GRID2IP: variants seen among roughly 807,000 people sequenced by gnomAD.
The protein encoded by GRID2IP is delphilin.
In GRID2IP, 78 loss-of-function variants were observed where a neutral mutation model predicts 114.3. The ratio of observed to expected loss-of-function variants is 0.68; its 90% CI spans 0.57 to 0.82. GRID2IP has a LOEUF of 0.82. GRID2IP is among the 40% of genes least tolerant of loss of function. The pLI, the probability that GRID2IP is intolerant of heterozygous loss-of-function variation, is 0.00. For missense variants in GRID2IP, 1,727 were observed against 1,678.5 expected (o/e 1.03, Z -0.51); for synonymous variants, 809 against 724.0 (o/e 1.12, Z -1.89).
chr7:6,516,110 T>TAAAA lies in GRID2IP; in HGVS notation c.1269-1585_1269-1582dup, dbSNP rs1228864854. 1.8e-4 allele frequency among the ~76,000 whole-genome samples: 11 copies of TAAAA among 62,150 alleles called. No individual in the cohort carries two copies. The highest frequency in any genetic ancestry group is 4.6e-4 in the Non-Finnish European group (8 of 17,434). The allele number at this position is 62,150 out of a possible 152,430, so 40.8% of individuals were successfully genotyped here. ...AGACCCCGTCTCAAAATAATAATAATAAAAAATAAATAAATAAATAAATAA... is the reference window on the plus strand; with the variant it reads ...AGACCCCGTCTCAAAATAATAATAATAAAAAAAAAATAAATAAATAAATAAATAA... On this transcript the variant is annotated intron_variant, in intron 7 of 21. Transcript: ENST00000457091. The surrounding 1 kb of genome is among the most constrained non-coding windows in gnomAD (Gnocchi z 4.3).
chr7:6,536,015 C>T lies in GRID2IP; in HGVS notation c.584+3703G>A, dbSNP rs1779717362. On this transcript the variant is annotated intron_variant, in intron 2 of 21. Coordinates refer to ENST00000457091, the MANE Select transcript of GRID2IP (RefSeq NM_001145118.2). The surrounding 1 kb of genome is among the most constrained non-coding windows in gnomAD (Gnocchi z 5.3). Reference sequence around the variant, plus strand: ...TGCTCTGTGCTGAGTTAGCCATCAACTGGCACCCAACCCTGGGAATCACAG... The same window carrying T: ...TGCTCTGTGCTGAGTTAGCCATCAATTGGCACCCAACCCTGGGAATCACAG... 6.6e-6 allele frequency among the ~76,000 whole-genome samples: 1 copy of T among 152,190 alleles called. No individual in the cohort carries two copies. Among genetic ancestry groups the T allele is most frequent in the Non-Finnish European group, 1.5e-5 (1 of 68,020 alleles).
chr7:6,502,043 G>C lies in GRID2IP; in HGVS notation c.3226C>G (p.Pro1076Ala). ...ILAKSLSQHF[P>A]ELLGFAQDLP... ...TCCTGAGCAAAGCCCAGGAGTTCAG[G>C]GAAGTGCTGGCTCAGCGATTTGGCA... Residue 1076 changes from proline to alanine, a missense_variant, in exon 19 of 22, where the codon CCT (proline) becomes GCT (alanine). Coordinates refer to ENST00000457091, the MANE Select transcript of GRID2IP (RefSeq NM_001145118.2). The C allele has an allele frequency of 1.3e-6, 2 of 1,551,514 alleles. No homozygotes were observed. Among genetic ancestry groups the C allele is most frequent in the Non-Finnish European group, 1.7e-6 (2 of 1,146,932 alleles).
At chr7:6,545,801 T>C (rs1436931861) in intron 1 of GRID2IP, among the ~76,000 whole-genome samples, 1 of 152,150 alleles carries the variant, frequency 6.6e-6, no homozygotes, top group Non-Finnish European at 1.5e-5. Flanking sequence ...AGCTCACCAC[T>C]GTTTCCCTCC....
chr7:6,514,650 C>A (rs751047120), intron 7 of GRID2IP, 121 bp from the exon 8 acceptor site: 5 of 847,014 alleles, frequency 5.9e-6, no homozygotes, highest in Admixed American at 3.7e-5. Context: ...CTATCCCTAC[C>A]CTTCAAAGAC....
At chr7:6,518,673 T>C (rs771867626) in intron 7 of GRID2IP, among the ~76,000 whole-genome samples, 15 of 150,636 alleles carry the variant, frequency 1.0e-4, no homozygotes, top group Non-Finnish European at 2.2e-4. Context: ...GAGGGGGAGG[T>C]TGCAGTGAGC....
At position 6,522,978 on chromosome 7, in the gene GRID2IP, A is replaced by AT. The variant is rs552383177; in HGVS notation, c.920-1022dup. 2.6e-4 allele frequency among the ~76,000 whole-genome samples: 40 copies of AT among 151,912 alleles called. 1 individual carries two copies. Among genetic ancestry groups the AT allele is most frequent in the South Asian group, 4.2e-4 (2 of 4,808 alleles). On this transcript the variant is annotated intron_variant, in intron 4 of 21. Transcript: ENST00000457091. ...CCATGCCCGGCCACCCAATTTTTGT[A>AT]TTTTTTGTAGAGACGAAGTTTCACC...
At position 6,510,962 on chromosome 7, in the gene GRID2IP, A is replaced by G; in HGVS notation, c.1501T>C (p.Ser501Pro). ...PQPRSSLRAS[S>P]MCRRSLRSQG... is the part of the protein sequence containing the mutation. ...GACCGGAGGCTGCGGCGGCACATGG[A>G]GGAAGCCCGCAGGGAGCTCCGCGGC... Residue 501 changes from serine (S) to proline (P), a missense_variant, in exon 9 of 22, where the codon TCC becomes CCC. Ser to Pro is a moderately conservative substitution (Grantham distance 74). Transcript: ENST00000457091. 1.3e-6 allele frequency: 2 copies of G among 1,547,842 alleles called. No homozygotes were observed. Among genetic ancestry groups the G allele is most frequent in the Non-Finnish European group, 1.7e-6 (2 of 1,145,174 alleles).
chr7:6,511,699 A>T (rs1779166079), intron 8 of GRID2IP, among the ~76,000 whole-genome samples: 1 of 151,912 alleles, frequency 6.6e-6, no homozygotes, highest in Non-Finnish European at 1.5e-5. Flanking sequence ...GAGCCTACGC[A>T]GATATGTAAG....
chr7:6,500,112 G>A (rs1402194237), intron 20 of GRID2IP, among the ~76,000 whole-genome samples: 1 of 152,076 alleles, frequency 6.6e-6, no homozygotes, highest in African/African-American at 2.4e-5. Flanking sequence ...CCCCTGGACT[G>A]AGGGATGCTA....
rs1489705144 is a variant in GRID2IP at position 6,506,270 on chromosome 7, C to T, written c.2545-363G>A. 3.3e-5 allele frequency among the ~76,000 whole-genome samples: 5 copies of T among 152,144 alleles called. No homozygotes were observed. The highest frequency in any genetic ancestry group is 7.2e-5 in the African/African-American group (3 of 41,428). ...TCTGTCATCAGGTCTCCTTGGAGAGCGGTGAGTTCACCAGGGCTGCCCTGG... is the reference window on the plus strand; with the variant it reads ...TCTGTCATCAGGTCTCCTTGGAGAGTGGTGAGTTCACCAGGGCTGCCCTGG... On this transcript the variant is annotated intron_variant, in intron 13 of 21. Transcript: ENST00000457091. The surrounding 1 kb of genome is among the most constrained non-coding windows in gnomAD (Gnocchi z 5.2).
Position 6,509,659 on chromosome 7 carries a change from C to T in GRID2IP, c.1772-346G>A, listed in dbSNP as rs1166204910. ...CCACAGTCATGGAGCGTCTCGCGCA[C>T]CCAGCAAGCCCTGAGATCACAGGAG... On this transcript the variant is annotated intron_variant, in intron 11 of 21. Coordinates refer to ENST00000457091, the MANE Select transcript of GRID2IP (RefSeq NM_001145118.2). This position sits in a 1 kb window ranked among gnomAD's most constrained non-coding sequence, Gnocchi z 4.9. 1.3e-5 allele frequency among the ~76,000 whole-genome samples: 2 copies of T among 152,144 alleles called. No homozygotes were observed. The highest frequency in any genetic ancestry group is 4.8e-5 in the African/African-American group (2 of 41,430).
At chr7:6,510,175 A>G in intron 11 of GRID2IP, 108 bp downstream of exon 11, 1 of 652,778 alleles carries the variant, frequency 1.5e-6, no homozygotes, top group South Asian at 2.1e-5. Context: ...GGGCCATGGG[A>G]GGGACTGGGA....
chr7:6,551,277 C>T lies in GRID2IP; in HGVS notation c.160G>A (p.Gly54Arg), dbSNP rs1779976359. 6.5e-7 allele frequency: 1 copy of T among 1,539,866 alleles called. No homozygotes were observed. The highest frequency in any genetic ancestry group is 8.7e-7 in the Non-Finnish European group (1 of 1,146,362). The change falls in exon 1 of 22, where the codon GGG becomes AGG. Residue 54 changes from glycine to arginine, a missense_variant. Gly to Arg is a moderately radical substitution (Grantham distance 125). Coordinates refer to ENST00000457091, the MANE Select transcript of GRID2IP (RefSeq NM_001145118.2). ...CGGCTCAGACCGCCCACCGCCAGCC[C>T]CTCCACCTCCAGGATCTGGTCTCCT... The part of the protein sequence containing the change: ...RPGDQILEVE[G>R]LAVGGLSRER...
At chr7:6,544,465 G>A (rs1779856621) in intron 1 of GRID2IP, among the ~76,000 whole-genome samples, 1 of 151,340 alleles carries the variant, frequency 6.6e-6, no homozygotes, top group African/African-American at 2.4e-5. Context: ...GTTTTTAGTA[G>A]AGACAGGGTT....
intron 4 of GRID2IP, among the ~76,000 whole-genome samples, chr7:6,525,832 G>A (rs1025784319): frequency 3.9e-5 from 6 of 152,078 alleles, no homozygotes; most frequent in Admixed American, 2.0e-4. Context: ...AGCTCGTGTT[G>A]CTGGGGGCAC....
In GRID2IP at chr7:6,503,628, T is replaced by C. The variant is rs1786482718; in HGVS notation, c.2770A>G (p.Met924Val). ...PAELRQVLMS[M>V]EPRRLEPAHL... ...GCGGGCTCCAGGCGCCGGGGCTCCA[T>C]GCTCATCAGCACCTGGCGCAGCTCC... The change falls in exon 16 of 22, where the codon ATG becomes GTG. Residue 924 changes from methionine to valine, a missense_variant. By Grantham distance (21) the Met-to-Val change is conservative (BLOSUM62 1). Coordinates refer to ENST00000457091, the MANE Select transcript of GRID2IP (RefSeq NM_001145118.2). The C allele has an allele frequency of 6.5e-7, 1 of 1,527,976 alleles. No homozygotes were observed. Among genetic ancestry groups the C allele is most frequent in the African/African-American group, 1.4e-5 (1 of 71,844 alleles). 94.7% of individuals were successfully genotyped at this position (1,527,976 alleles called of 1,614,324 possible). A position where few individuals can be genotyped will look rare whatever the true frequency, so the allele number is the denominator to read the frequency against.
chr7:6,518,870 T>C (rs768339690), intron 7 of GRID2IP, among the ~76,000 whole-genome samples: 2 of 152,134 alleles, frequency 1.3e-5, no homozygotes, highest in Non-Finnish European at 2.9e-5. Context: ...ACATAGTAAT[T>C]GGTGAATAAG....
chr7:6,531,678 G>A (rs1275565956), intron 2 of GRID2IP, among the ~76,000 whole-genome samples: 1 of 152,232 alleles, frequency 6.6e-6, no homozygotes, highest in Non-Finnish European at 1.5e-5. Flanking sequence ...ATCGGCTGTG[G>A]CCGAGAAGAG....
chr7:6,518,360 A>G (rs1467941514), intron 7 of GRID2IP, among the ~76,000 whole-genome samples: 1 of 152,234 alleles, frequency 6.6e-6, no homozygotes, highest in African/African-American at 2.4e-5. Flanking sequence ...AAAGTTCACA[A>G]GCATATTAAA....
Sources: gnomAD v4.1 joint callset for allele counts (sites outside exome capture counted in the v4.1 genomes callset) on GRCh38, gnomAD v4.1.1 for gene constraint, Gnocchi (gnomAD v3.1) non-coding constraint, MANE v1.5 for transcripts, NCBI Gene and HGNC (gene_info 2026-07-23, HGNC 2026-07-21) for gene names.